BMPR1B: variants seen among roughly 807,000 people sequenced by gnomAD.
The protein encoded by BMPR1B is bone morphogenetic protein receptor type-1B.
A neutral mutation model predicts 59.1 loss-of-function variants in BMPR1B; 12 were observed. The observed-to-expected ratio is 0.20, with a 90% confidence interval of 0.13 to 0.33. The LOEUF (loss-of-function observed/expected upper bound fraction) is 0.33. Among genes scored for constraint, BMPR1B ranks in the 10% least tolerant of loss-of-function variants. BMPR1B has a pLI of 1.00. For synonymous variants in BMPR1B, 237 were observed against 207.3 expected, an observed-to-expected ratio of 1.14 and a Z score of -1.23; for missense variants, 550 against 610.9, an observed-to-expected ratio of 0.90 and a Z score of 1.05.
chr4:94,772,079 C>T (rs1722207661), intron 1 of BMPR1B, among the ~76,000 whole-genome samples: 1 of 152,164 alleles, frequency 6.6e-6, no homozygotes, highest in Admixed American at 6.5e-5. Flanking sequence ...GACTCTAGGT[C>T]ATCATCTGTA....
At chr4:94,951,803 C>G (rs890484405) in intron 2 of BMPR1B, among the ~76,000 whole-genome samples, 1 of 151,984 alleles carries the variant, frequency 6.6e-6, no homozygotes, top group African/African-American at 2.4e-5. Context: ...CCTTCTTTTT[C>G]TTTGTTTGGA....
chr4:95,100,011 A>T (rs1730707373), intron 3 of BMPR1B, among the ~76,000 whole-genome samples: 1 of 152,190 alleles, frequency 6.6e-6, no homozygotes, highest in Admixed American at 6.5e-5. Flanking sequence ...CGTTTTATTA[A>T]TTTCAACATC....
At chr4:95,098,110 T>C (rs955475641) in intron 3 of BMPR1B, among the ~76,000 whole-genome samples, 1 of 152,158 alleles carries the variant, frequency 6.6e-6, no homozygotes, top group African/African-American at 2.4e-5. Flanking sequence ...AGTACATTCT[T>C]ATATGTTATT....
intron 2 of BMPR1B, among the ~76,000 whole-genome samples, chr4:94,912,631 A>G (rs1040548872): frequency 1.1e-4 from 16 of 152,160 alleles, no homozygotes; most frequent in African/African-American, 2.7e-4. Flanking sequence ...TTTCCGAACA[A>G]CAGTTCAGCT....
intron 2 of BMPR1B, among the ~76,000 whole-genome samples, chr4:94,946,283 A>G (rs1287817265): frequency 6.6e-6 from 1 of 152,206 alleles, no homozygotes; most frequent in African/African-American, 2.4e-5. Context: ...TCAAGAATAT[A>G]AAGTATTCGT....
chr4:94,791,808 G>T (rs1403988092), intron 1 of BMPR1B, among the ~76,000 whole-genome samples: 1 of 151,454 alleles, frequency 6.6e-6, no homozygotes, highest in East Asian at 1.9e-4. Flanking sequence ...TCTTCCTTAC[G>T]CTCCCTCTCC....
chr4:94,800,756 A>T (rs1723376053), intron 1 of BMPR1B, among the ~76,000 whole-genome samples: 2 of 152,306 alleles, frequency 1.3e-5, no homozygotes, highest in East Asian at 3.9e-4. Context: ...TAAAACTATA[A>T]AACAATTATC....
At chr4:94,790,994 G>T (rs896024357) in intron 1 of BMPR1B, among the ~76,000 whole-genome samples, 5 of 151,876 alleles carry the variant, frequency 3.3e-5, no homozygotes, top group African/African-American at 1.2e-4. Context: ...CTTTTTGTTT[G>T]TTTGTTTTTC....
rs546704904 is a variant in BMPR1B at position 94,870,142 on chromosome 4, G to A, written c.-182-5689G>A. ...CTGATCAGTCTTAACTAAATTTTGC[G>A]TTTAAACTTTTGGATAAAAGTCATG... On this transcript the variant is annotated intron_variant, in intron 1 of 12. Transcript: ENST00000515059. 8.5e-5 allele frequency among the ~76,000 whole-genome samples: 13 copies of A among 152,162 alleles called. No individual in the cohort carries two copies. In the East Asian group the frequency reaches 1.3e-3, roughly 16 times the overall value.
At chr4:94,802,322 A>G (rs1184747914) in intron 1 of BMPR1B, among the ~76,000 whole-genome samples, 1 of 152,136 alleles carries the variant, frequency 6.6e-6, no homozygotes, top group Non-Finnish European at 1.5e-5. Flanking sequence ...GGTAGGCTCC[A>G]AGAGCTTCCA....
At chr4:95,079,833 C>CA (rs1728985918) in intron 3 of BMPR1B, among the ~76,000 whole-genome samples, 1 of 151,898 alleles carries the variant, frequency 6.6e-6, no homozygotes, top group Non-Finnish European at 1.5e-5. Flanking sequence ...CAAACAAAAG[C>CA]AAAAATCAAC....
Position 94,992,679 on chromosome 4 carries a change from T to C in BMPR1B, c.-112-3361T>C, listed in dbSNP as rs1054871089. Among the ~76,000 whole-genome samples, 9 of 152,296 alleles carry C rather than the reference T, an allele frequency of 5.9e-5. 1 individual carries two copies. Among genetic ancestry groups the C allele is most frequent in the African/African-American group, 1.9e-4 (8 of 41,564 alleles). On this transcript the variant is annotated intron_variant, in intron 2 of 12. Coordinates refer to ENST00000515059, the MANE Select transcript of BMPR1B (RefSeq NM_001203.3). ...AGGAAGAGACTTTTTACATTAAGCC[T>C]CCCTCTTTGTGTTTTACAGTTCTGT...
At chr4:94,829,683 A>G (rs766397501) in intron 1 of BMPR1B, among the ~76,000 whole-genome samples, 2 of 152,170 alleles carry the variant, frequency 1.3e-5, no homozygotes, top group Non-Finnish European at 2.9e-5. Flanking sequence ...AAGAGTGCAT[A>G]GAAATGGAGA....
chr4:94,780,606 A>G (rs1560481309), intron 1 of BMPR1B, among the ~76,000 whole-genome samples: 2 of 151,898 alleles, frequency 1.3e-5, no homozygotes, highest in South Asian at 2.1e-4. Flanking sequence ...GTTGTTTTCT[A>G]AAGTGCCTAT....
chr4:95,089,035 A>G (rs1729793108), intron 3 of BMPR1B, among the ~76,000 whole-genome samples: 1 of 152,178 alleles, frequency 6.6e-6, no homozygotes. Context: ...TGAAGTGGCC[A>G]TTAAGATAGC....
At position 95,015,290 on chromosome 4, in the gene BMPR1B, G is replaced by A. The variant is rs148776619; in HGVS notation, c.-18+19156G>A. 1.2e-4 allele frequency among the ~76,000 whole-genome samples: 18 copies of A among 152,290 alleles called. No individual in the cohort carries two copies. The East Asian group carries it at 2.7e-3, about 23-fold the overall frequency. On this transcript the variant is annotated intron_variant, in intron 3 of 12. Coordinates refer to ENST00000515059, the MANE Select transcript of BMPR1B (RefSeq NM_001203.3). The stretch of plus-strand genomic sequence containing the variant: ...AATTTTCAATCGTGTGAAATCTCAT[G>A]CCTTTTTAATGTTCTTTGTAGTGAA...
rs898989383 is a variant in BMPR1B at position 94,792,888 on chromosome 4, A to T, written c.-183+34820A>T. On this transcript the variant is annotated intron_variant, in intron 1 of 12. Coordinates refer to ENST00000515059, the MANE Select transcript of BMPR1B (RefSeq NM_001203.3). ...AAAAATTTCCAAAGCAACATAAAGAAATTCTGCTTTTACTTTTTAGAAAAT... is the reference window on the plus strand; with the variant it reads ...AAAAATTTCCAAAGCAACATAAAGATATTCTGCTTTTACTTTTTAGAAAAT... Among the ~76,000 whole-genome samples the T allele has an allele frequency of 2.6e-5, 4 of 152,362 alleles. No homozygotes were observed. In the South Asian group the frequency reaches 6.2e-4, roughly 24 times the overall value.
chr4:95,030,579 T>G (rs1427818537), intron 3 of BMPR1B, among the ~76,000 whole-genome samples: 16 of 151,988 alleles, frequency 1.1e-4, no homozygotes, highest in Admixed American at 1.1e-3. Flanking sequence ...GAAGTCAAAT[T>G]GTTCCTGTTT....
chr4:95,113,657 G>C (rs1184124434), intron 4 of BMPR1B, among the ~76,000 whole-genome samples: 1 of 152,096 alleles, frequency 6.6e-6, no homozygotes, highest in African/African-American at 2.4e-5. Flanking sequence ...AGAGTCTGCT[G>C]GCATTCATCA....
Sources: allele counts gnomAD v4.1 joint callset (sites outside exome capture counted in the v4.1 genomes callset), GRCh38; gene constraint gnomAD v4.1.1; transcripts MANE v1.5; gene names NCBI Gene and HGNC (gene_info 2026-07-23, HGNC 2026-07-21).